Variants in ZBTB20 observed in about 807,000 individuals in gnomAD.
The protein encoded by ZBTB20 is zinc finger and BTB domain containing 20, also known as zinc finger and BTB domain-containing protein 20.
In ZBTB20, 9 loss-of-function variants were observed where a neutral mutation model predicts 56.9. That is an observed-to-expected ratio of 0.16 (90% CI 0.10 to 0.28). The LOEUF is 0.28. Ranked by LOEUF, ZBTB20 falls within the 10% of genes least tolerant of loss-of-function variation. The pLI, the probability that ZBTB20 is intolerant of heterozygous loss-of-function variation, is 1.00. For synonymous variants in ZBTB20, 417 were observed against 420.7 expected, an observed-to-expected ratio of 0.99 and a Z score of 0.11; for missense variants, 655 against 1,003.0, an observed-to-expected ratio of 0.65 and a Z score of 4.69.
At chr3:114,949,722 G>A (rs568199952) in intron 3 of ZBTB20, among the ~76,000 whole-genome samples, 2 of 148,224 alleles carry the variant, frequency 1.3e-5, no homozygotes, top group Admixed American at 6.6e-5. Flanking sequence ...AGCCAAGATC[G>A]CACCACTGCA....
intron 7 of ZBTB20, among the ~76,000 whole-genome samples, chr3:114,435,655 A>C (rs1029698322): frequency 6.6e-6 from 1 of 152,204 alleles, no homozygotes; most frequent in African/African-American, 2.4e-5. Flanking sequence ...CACAGAAAAA[A>C]ACAAAACAAC....
chr3:114,525,893 C>T lies in ZBTB20; in HGVS notation c.-294-25502G>A, dbSNP rs186384955. 2.0e-3 allele frequency among the ~76,000 whole-genome samples: 299 copies of T among 152,286 alleles called. 1 individual carries two copies. The highest frequency in any genetic ancestry group is 3.2e-3 in the Non-Finnish European group (216 of 68,024). The stretch of plus-strand genomic sequence containing the variant: ...CTGTCTTTGAGACCAGAACCAACCC[C>T]TATGTCCACTACACAGAATTCTACA... On this transcript the variant is annotated intron_variant, in intron 6 of 11. Transcript: ENST00000675478.
chr3:114,692,861 C>A (rs1335198334), intron 6 of ZBTB20, among the ~76,000 whole-genome samples: 4 of 152,156 alleles, frequency 2.6e-5, no homozygotes, highest in Non-Finnish European at 4.4e-5. Context: ...CAAGCCTATG[C>A]TTACCTGTAG....
At chr3:114,430,691 A>T (rs1480280369) in intron 7 of ZBTB20, among the ~76,000 whole-genome samples, 3 of 152,214 alleles carry the variant, frequency 2.0e-5, no homozygotes, top group Non-Finnish European at 4.4e-5. Context: ...CAAAGTTATC[A>T]TGCAAAAATT....
chr3:114,715,614 T>C (rs766917649), intron 5 of ZBTB20, among the ~76,000 whole-genome samples: 1 of 152,164 alleles, frequency 6.6e-6, no homozygotes, highest in Non-Finnish European at 1.5e-5. Context: ...AAAGTCAATA[T>C]ATGCAACGTT....
intron 6 of ZBTB20, among the ~76,000 whole-genome samples, chr3:114,548,268 A>G (rs1385958028): frequency 1.3e-5 from 2 of 152,214 alleles, no homozygotes; most frequent in African/African-American, 4.8e-5. Flanking sequence ...ACAAAGCACC[A>G]TGTAGATATC....
intron 3 of ZBTB20, among the ~76,000 whole-genome samples, chr3:114,953,024 T>C (rs1333108270): frequency 6.6e-6 from 1 of 152,116 alleles, no homozygotes. Flanking sequence ...TACAACATTA[T>C]CTGACGGGGC....
rs529659554 is a variant in ZBTB20, at chr3:114,869,613, AACAAATGCTTCCTTTT to A, written c.-417+30675_-417+30690del. On this transcript the variant is annotated intron_variant, in intron 4 of 11. Transcript: ENST00000675478. ...AAATTTCAAAGCCTACCGTGTTAAT[AACAAATGCTTCCTTTT>A]ATATTTTCATCAAAAAACAAGCCTA... Among the ~76,000 whole-genome samples the A allele has an allele frequency of 1.5e-3, 229 of 152,268 alleles. 2 individuals are homozygous for A. Among genetic ancestry groups the A allele is most frequent in the Non-Finnish European group, 2.8e-3 (192 of 68,000 alleles).
intron 2 of ZBTB20, among the ~76,000 whole-genome samples, chr3:115,021,383 T>C (rs993077293): frequency 6.0e-5 from 9 of 150,886 alleles, no homozygotes; most frequent in Non-Finnish European, 1.3e-4. Flanking sequence ...TGGGGTAGTA[T>C]GTATATTTCC....
At chr3:115,123,085 ACACTTCTTTCTATGG>A (rs895518056) in intron 1 of ZBTB20, among the ~76,000 whole-genome samples, 4 of 152,098 alleles carry the variant, frequency 2.6e-5, no homozygotes, top group African/African-American at 9.7e-5. Flanking sequence ...ATGCTACAAT[ACACTTCTTTCTATGG>A]CATCCACTTG....
At chr3:114,662,227 T>C (rs938710276) in intron 6 of ZBTB20, among the ~76,000 whole-genome samples, 5 of 152,028 alleles carry the variant, frequency 3.3e-5, no homozygotes, top group Middle Eastern at 3.2e-3. Flanking sequence ...CTACAAAGGA[T>C]ACGAACTCAT....
At chr3:115,102,779 CAA>C (rs1449052664) in intron 1 of ZBTB20, 1 of 151,962 alleles carries the variant, frequency 6.6e-6, no homozygotes, top group Non-Finnish European at 1.5e-5. Context: ...CCAGACTGGC[CAA>C]CATAGGGAAA....
At chr3:114,764,426 A>C (rs917154904) in intron 5 of ZBTB20, among the ~76,000 whole-genome samples, 1 of 152,200 alleles carries the variant, frequency 6.6e-6, no homozygotes, top group East Asian at 1.9e-4. Flanking sequence ...TGCCCTCAGA[A>C]CCACATGGGC....
rs115154766 is a variant in ZBTB20 at position 114,447,712 on chromosome 3, A to C, written c.-255+52640T>G. ...GGGACGTTAATTTAAATACAGACTT[A>C]AGGAGAAGAGCTCCATCTACTGAAT... is the stretch of plus-strand genomic sequence containing the variant. On this transcript the variant is annotated intron_variant, in intron 7 of 11. Transcript: ENST00000675478. Among the ~76,000 whole-genome samples, 711 of 152,270 alleles carry C rather than the reference A, an allele frequency of 4.7e-3. 3 individuals carry two copies. The highest frequency in any genetic ancestry group is 0.016 in the African/African-American group (680 of 41,556).
intron 6 of ZBTB20, among the ~76,000 whole-genome samples, chr3:114,547,692 T>C (rs947442208): frequency 3.3e-5 from 5 of 152,170 alleles, no homozygotes; most frequent in East Asian, 1.9e-4. Flanking sequence ...TAATGTTACA[T>C]AACAGCTTAC....
rs548564516 is a variant in ZBTB20 at position 114,961,606 on chromosome 3, T to C, written c.-456+12760A>G. ...AGGAAAAAAGTGGGCTCCATTTCTG[T>C]TTTTAAAAATCCAGAGTATCTGTAG... On this transcript the variant is annotated intron_variant, in intron 3 of 11. Transcript: ENST00000675478. 3.9e-5 allele frequency among the ~76,000 whole-genome samples: 6 copies of C among 152,250 alleles called. No homozygotes were observed. In the East Asian group the frequency reaches 9.6e-4, roughly 24 times the overall value.
chr3:115,106,300 C>T (rs1222352596), intron 1 of ZBTB20, among the ~76,000 whole-genome samples: 1 of 146,088 alleles, frequency 6.8e-6, no homozygotes, highest in Non-Finnish European at 1.5e-5. Context: ...GTGGCCCGAT[C>T]TTAGCTCACT....
intron 7 of ZBTB20, among the ~76,000 whole-genome samples, chr3:114,400,749 C>G (rs907878349): frequency 3.9e-5 from 6 of 152,054 alleles, no homozygotes; most frequent in Non-Finnish European, 7.4e-5. Flanking sequence ...CCGTTTTCTC[C>G]TGTACACAGC....
chr3:114,904,374 T>A (rs2075243817), intron 3 of ZBTB20: 1 of 152,004 alleles, frequency 6.6e-6, no homozygotes, highest in Non-Finnish European at 1.5e-5. Flanking sequence ...TAAACCTAAA[T>A]TTAAACAAAA....
Sources: allele counts gnomAD v4.1 joint callset (sites outside exome capture counted in the v4.1 genomes callset), GRCh38; gene constraint gnomAD v4.1.1; transcripts MANE v1.5; gene names NCBI Gene and HGNC (gene_info 2026-07-23, HGNC 2026-07-21).